The following PEG3 variants were observed in gnomAD, a reference collection of about 807,000 sequenced individuals.
PEG3 encodes paternally expressed 3, also known as paternally-expressed gene 3 protein.
In PEG3, 23 loss-of-function variants were observed where a neutral mutation model predicts 35.5. The ratio of observed to expected loss-of-function variants is 0.65; its 90% CI spans 0.47 to 0.92. The LOEUF (loss-of-function observed/expected upper bound fraction) is 0.92, where lower values mean the gene tolerates loss of function less well. Among genes scored for constraint, PEG3 ranks in the 40% least tolerant of loss-of-function variants. The pLI, the probability that PEG3 is intolerant of heterozygous loss-of-function variation, is 0.00. For synonymous variants in PEG3, 707 were observed against 697.0 expected (o/e 1.01, Z -0.23); for missense variants, 1,960 against 1,985.3 (o/e 0.99, Z 0.24).
At chr19:56,825,646 A>C (rs1178107765) in intron 3 of PEG3, among the ~76,000 whole-genome samples, 1 of 152,102 alleles carries the variant, frequency 6.6e-6, no homozygotes, top group Non-Finnish European at 1.5e-5. Flanking sequence ...TGCGTATTTT[A>C]ATGACTGGTC....
At position 56,817,769 on chromosome 19, in the gene PEG3, C is replaced by A. The variant is rs2060115764; in HGVS notation, c.839G>T (p.Ser280Ile). Reference protein sequence around the residue: ...TQGHSSRSKRSAYPSTSRGLK... With the variant: ...TQGHSSRSKRIAYPSTSRGLK... ...ACCTCGACTGGTGCTTGGGTAGGCA[C>A]TTCTCTTGGATCTTGATGAGTGGCC... is the stretch of plus-strand genomic sequence containing the variant. Residue 280 changes from serine (S) to isoleucine (I), a missense_variant, in exon 9 of 10, where the codon AGT becomes ATT. Coordinates refer to ENST00000326441, the MANE Select transcript of PEG3 (RefSeq NM_006210.3). The A allele has an allele frequency of 6.2e-7, 1 of 1,614,022 alleles. No homozygotes were observed. Among genetic ancestry groups the A allele is most frequent in the African/African-American group, 1.3e-5 (1 of 74,914 alleles).
At position 56,815,675 on chromosome 19, in the gene PEG3, A is replaced by G. The variant is rs1196575751; in HGVS notation, c.2767T>C (p.Ser923Pro). ...SGEFKKDGEF[S>P]VPSSNVREYQ... ...TCACGGACATTTGAGCTGGGAACAG[A>G]GAATTCGCCATCCTTCTTAAACTCA... Residue 923 changes from serine to proline, a missense_variant, in exon 10 of 10, where the codon TCT becomes CCT. By Grantham distance (74) the Ser-to-Pro change is moderately conservative. Transcript: ENST00000326441. The G allele has an allele frequency of 6.2e-7, 1 of 1,614,182 alleles. No individual in the cohort carries two copies. Among genetic ancestry groups the G allele is most frequent in the Non-Finnish European group, 8.5e-7 (1 of 1,180,020 alleles).
In PEG3 at chr19:56,840,606, G is replaced by C. The variant is rs932095617; in HGVS notation, c.-274C>G. The C allele has an allele frequency of 6.6e-6, 1 of 152,458 alleles. No individual in the cohort carries two copies. Among genetic ancestry groups the C allele is most frequent in the African/African-American group, 2.4e-5 (1 of 41,472 alleles). The allele number at this position is 152,458 out of a possible 1,614,324, so 9.4% of individuals were successfully genotyped here. A position where few individuals can be genotyped will look rare whatever the true frequency, so the allele number is the denominator to read the frequency against. On this transcript the variant is annotated 5_prime_UTR_variant, in exon 1 of 10. Transcript: ENST00000326441. ...CCTCACCTCAGTGCTGCGCAGCCTC[G>C]GGCACGAACAGCCGCCTAGCGCACC... is the stretch of plus-strand genomic sequence containing the variant.
At chr19:56,838,924 C>T (rs2062573566) in intron 1 of PEG3, among the ~76,000 whole-genome samples, 1 of 152,016 alleles carries the variant, frequency 6.6e-6, no homozygotes, top group African/African-American at 2.4e-5. Context: ...CCCAGGTGGG[C>T]GGGGCTTGAA....
rs1568633396 is a variant in PEG3 at position 56,816,208 on chromosome 19, T to A, written c.2234A>T (p.Glu745Val). 1 of 1,614,204 alleles carries A rather than the reference T, an allele frequency of 6.2e-7. No individual in the cohort carries two copies. Among genetic ancestry groups the A allele is most frequent in the Admixed American group, 1.7e-5 (1 of 60,036 alleles). The change falls in exon 10 of 10, where the codon GAG becomes GTG. Residue 745 changes from glutamate (E) to valine (V), a missense_variant. By Grantham distance (121) the Glu-to-Val change is moderately radical. Coordinates refer to ENST00000326441, the MANE Select transcript of PEG3 (RefSeq NM_006210.3). ...HTITRPLESDEDEKAFTISSN... is the reference protein window; with the variant it reads ...HTITRPLESDVDEKAFTISSN... ...GCTAATGGTGAACGCCTTTTCGTCC[T>A]CATCACTTTCAAGAGGTCTTGTTAT...
In PEG3 at chr19:56,834,442, G is replaced by T. The variant is rs1326357553; in HGVS notation, c.-163+1576C>A. Among the ~76,000 whole-genome samples the T allele has an allele frequency of 3.9e-5, 6 of 152,270 alleles. No individual in the cohort carries two copies. In the East Asian group the frequency reaches 1.2e-3, roughly 29 times the overall value. On this transcript the variant is annotated intron_variant, in intron 2 of 9. Coordinates refer to ENST00000326441, the MANE Select transcript of PEG3 (RefSeq NM_006210.3). ...ACCAAGCAACCTTCTCATTATGGTT[G>T]TGTTTCCCATGTAGGTCTGCCTACA...
At chr19:56,832,918 CTTCTA>C (rs2061711292) in intron 2 of PEG3, among the ~76,000 whole-genome samples, 1 of 152,228 alleles carries the variant, frequency 6.6e-6, no homozygotes, top group Non-Finnish European at 1.5e-5. Context: ...TGACACTTTA[CTTCTA>C]TTCCATTAAA....
chr19:56,817,933 ATGAG>A, intron 8 of PEG3, 98 bp from the exon 9 acceptor site: 1 of 922,132 alleles, frequency 1.1e-6, no homozygotes, highest in Non-Finnish European at 1.7e-6. Flanking sequence ...GCCACTAAAT[ATGAG>A]GTGGCCCACA....
intron 1 of PEG3, among the ~76,000 whole-genome samples, chr19:56,836,599 C>T (rs2062133947): frequency 6.6e-6 from 1 of 152,110 alleles, no homozygotes; most frequent in Non-Finnish European, 1.5e-5. Flanking sequence ...GGGGGAAGGA[C>T]CTTCATGATT....
rs1382328148 is a variant in PEG3, at chr19:56,816,677, C to T, written c.1765G>A (p.Asp589Asn). The T allele has an allele frequency of 6.2e-7, 1 of 1,613,980 alleles. No individual in the cohort carries two copies. Among genetic ancestry groups the T allele is most frequent in the Non-Finnish European group, 8.5e-7 (1 of 1,179,972 alleles). ...TCATGTTCACGCTCATTATCTTTGT[C>T]ATCCCCAAAGTGGATTTTCTGGTGC... ...IEHQKIHFGDDKDNEREHERE... is the reference protein window; with the variant it reads ...IEHQKIHFGDNKDNEREHERE... Residue 589 changes from aspartate to asparagine, a missense_variant, in exon 10 of 10, where the codon GAC (aspartate) becomes AAC (asparagine). Physicochemically the swap from Asp to Asn is conservative, Grantham distance 23. Around this residue, in one of 5 missense-constraint regions of PEG3, gnomAD observed 798 missense variants for 782.4 expected, o/e 1.02. Coordinates refer to ENST00000326441, the MANE Select transcript of PEG3 (RefSeq NM_006210.3).
At chr19:56,831,241 T>C (rs2146527832) in intron 2 of PEG3, among the ~76,000 whole-genome samples, 1 of 152,312 alleles carries the variant, frequency 6.6e-6, no homozygotes, top group East Asian at 1.9e-4. Context: ...CACTGGGACA[T>C]AACAGAGTCC....
intron 2 of PEG3, among the ~76,000 whole-genome samples, chr19:56,830,252 A>T (rs2061450779): frequency 6.6e-6 from 1 of 152,254 alleles, no homozygotes; most frequent in Admixed American, 6.5e-5. Flanking sequence ...ACCCAAACTA[A>T]CAAAGTCCAA....
chr19:56,819,842 A>G (rs2060305576), intron 7 of PEG3, among the ~76,000 whole-genome samples: 1 of 152,212 alleles, frequency 6.6e-6, no homozygotes, highest in South Asian at 2.1e-4. Flanking sequence ...ATGGAGCAAC[A>G]TGAAAAATGT....
chr19:56,826,761 T>C (rs1216326346), intron 2 of PEG3, among the ~76,000 whole-genome samples: 1 of 152,214 alleles, frequency 6.6e-6, no homozygotes, highest in East Asian at 1.9e-4. Flanking sequence ...TTAATGCTGC[T>C]ATTATTGAAC....
Position 56,824,497 on chromosome 19 carries a change from G to T in PEG3, c.159C>A (p.Ile53=). 1 of 1,614,086 alleles carries T rather than the reference G, an allele frequency of 6.2e-7. No individual in the cohort carries two copies. Among genetic ancestry groups the T allele is most frequent in the Non-Finnish European group, 8.5e-7 (1 of 1,180,028 alleles). ...TCCGAGGCCCAACAAATTCCACATA[G>T]ATTAGGTTCCGAAACCTCTGATGAA... is the stretch of plus-strand genomic sequence containing the variant. ...EFFHQRFRNL[I]YVEFVGPRKT... The change falls in exon 4 of 10, where the codon ATC becomes ATA. Residue 53 remains isoleucine (I), a synonymous_variant. Transcript: ENST00000326441.
In PEG3 at chr19:56,815,964, T is replaced by A; in HGVS notation, c.2478A>T (p.Glu826Asp). The A allele has an allele frequency of 6.3e-7, 1 of 1,587,916 alleles. No homozygotes were observed. Among genetic ancestry groups the A allele is most frequent in the Non-Finnish European group, 8.6e-7 (1 of 1,167,554 alleles). The stretch of plus-strand genomic sequence containing the variant: ...TAACAGACCTACTGTATTCCCTTCC[T>A]TCAGAGGTGTTCCCTCCAGCACGAA... ...QRVRAGGNTS[E>D]GREYSRSVIH... Residue 826 changes from glutamate (E) to aspartate (D), a missense_variant, in exon 10 of 10, where the codon GAA becomes GAT. Transcript: ENST00000326441.
Position 56,815,318 on chromosome 19 carries a change from T to C in PEG3, c.3124A>G (p.Thr1042Ala), listed in dbSNP as rs1340002297. The C allele has an allele frequency of 4.3e-6, 7 of 1,614,124 alleles. No individual in the cohort carries two copies. Among genetic ancestry groups the C allele is most frequent in the African/African-American group, 1.3e-5 (1 of 74,954 alleles). ...TGGTTTGTGTTGAGGTCTTCGCTGG[T>C]AGCAAAAAATTGTCTGAAGTCCTTA... is the stretch of plus-strand genomic sequence containing the variant. ...KCKDFRQFFATSEDLNTNQKI... is the reference protein window; with the variant it reads ...KCKDFRQFFAASEDLNTNQKI... The change falls in exon 10 of 10, where the codon ACC (threonine) becomes GCC (alanine). Residue 1042 changes from threonine (T) to alanine (A), a missense_variant. Physicochemically the swap from Thr to Ala is moderately conservative, Grantham distance 58. Coordinates refer to ENST00000326441, the MANE Select transcript of PEG3 (RefSeq NM_006210.3).
rs1356491898 is a variant in PEG3 at position 56,810,818 on chromosome 19, T to C, written c.*2857A>G. ...CAGTAGTTGTTAGGTGTTGGGAATA[T>C]AGGTAATTTTTTAAAATAATTTACT... On this transcript the variant is annotated 3_prime_UTR_variant, in exon 10 of 10. Coordinates refer to ENST00000326441, the MANE Select transcript of PEG3 (RefSeq NM_006210.3). 9 of 971,734 alleles carry C rather than the reference T, an allele frequency of 9.3e-6. No homozygotes were observed. The highest frequency in any genetic ancestry group is 9.8e-6 in the Non-Finnish European group (8 of 817,518). The allele number at this position is 971,734 out of a possible 1,614,324, so 60.2% of individuals were successfully genotyped here.
At position 56,824,408 on chromosome 19, in the gene PEG3, T is replaced by C; in HGVS notation, c.248A>G (p.Glu83Gly). ...DWLQPETRTK[E>G]EIIELLVLEQ... ...AAGGACCAAGAGCTCGATGATCTCC[T>C]CCTTGGTGCGGGTCTCCGGCTGCAA... The change falls in exon 4 of 10, where the codon GAG becomes GGG. Residue 83 changes from glutamate to glycine, a missense_variant. Transcript: ENST00000326441. The C allele has an allele frequency of 1.9e-6, 3 of 1,614,152 alleles. No individual in the cohort carries two copies. Among genetic ancestry groups the C allele is most frequent in the Non-Finnish European group, 2.5e-6 (3 of 1,180,042 alleles).
Sources: gnomAD v4.1 joint callset for allele counts (sites outside exome capture counted in the v4.1 genomes callset) on GRCh38, gnomAD v4.1.1 for gene constraint, gnomAD v4.1.1 regional missense constraint, MANE v1.5 for transcripts, NCBI Gene and HGNC (gene_info 2026-07-23, HGNC 2026-07-21) for gene names.